The following OCA2 variants were observed in gnomAD, a reference collection of about 807,000 sequenced individuals.
OCA2 encodes the protein P protein.
OCA2 carries 77 observed loss-of-function variants against 100.2 expected under a neutral mutation model. That is an observed-to-expected ratio of 0.77 (90% confidence interval 0.64 to 0.93). The LOEUF is 0.93. OCA2 is among the 40% of genes least tolerant of loss of function. The probability of loss-of-function intolerance (pLI) is 0.00; values close to 1 mark genes in which losing one functional copy is unlikely to be tolerated. For synonymous variants in OCA2, 432 were observed against 439.2 expected, an observed-to-expected ratio of 0.98 and a Z score of 0.21; for missense variants, 1,062 against 1,089.1, an observed-to-expected ratio of 0.98 and a Z score of 0.35.
At chr15:27,817,196 C>T (rs1352983050) in intron 23 of OCA2, among the ~76,000 whole-genome samples, 1 of 152,102 alleles carries the variant, frequency 6.6e-6, no homozygotes, top group African/African-American at 2.4e-5. Context: ...GAATGGAAGC[C>T]TCATGAAGGA....
At chr15:27,883,141 C>T (rs998089255) in intron 19 of OCA2, among the ~76,000 whole-genome samples, 5 of 152,264 alleles carry the variant, frequency 3.3e-5, no homozygotes, top group Admixed American at 2.0e-4. Flanking sequence ...TCTGACTCCT[C>T]TGGGCCAAAA....
intron 21 of OCA2, among the ~76,000 whole-genome samples, chr15:27,870,099 G>A (rs1035335064): frequency 5.3e-5 from 8 of 152,210 alleles, no homozygotes; most frequent in Non-Finnish European, 1.0e-4. Context: ...TAAGGTCGGC[G>A]CTGCATGAGC....
chr15:27,913,892 AAAGCAAGCAAGCAAGCAAGC>A lies in OCA2; in HGVS notation c.2079+12215_2079+12234del, dbSNP rs201142354. Among the ~76,000 whole-genome samples, 3 of 37,424 alleles carry A rather than the reference AAAGCAAGCAAGCAAGCAAGC, an allele frequency of 8.0e-5. No homozygotes were observed. In the Admixed American group the frequency reaches 9.1e-4, roughly 11 times the overall value. The allele number at this position is 37,424 out of a possible 152,430, so 24.6% of individuals were successfully genotyped here. ...GAAAGAAAGAAAGAAAGAAAGAAAG[AAAGCAAGCAAGCAAGCAAGC>A]AAGCAAGCAAGCAAGCAAGAAAGAA... is the stretch of plus-strand genomic sequence containing the variant. On this transcript the variant is annotated intron_variant, in intron 19 of 23. Transcript: ENST00000354638.
intron 18 of OCA2, among the ~76,000 whole-genome samples, chr15:27,948,203 CA>C (rs1279392031): frequency 2.6e-5 from 4 of 152,186 alleles, no homozygotes; most frequent in African/African-American, 9.6e-5. Flanking sequence ...TGCGGAACTC[CA>C]GGGGGATTCT....
At chr15:27,859,181 A>G (rs924789274) in intron 21 of OCA2, among the ~76,000 whole-genome samples, 3 of 152,110 alleles carry the variant, frequency 2.0e-5, no homozygotes, top group Non-Finnish European at 2.9e-5. Flanking sequence ...AGATTAGAAG[A>G]GAGATAAATA....
At chr15:27,984,225 G>T (rs2140971491) in intron 13 of OCA2, among the ~76,000 whole-genome samples, 1 of 152,088 alleles carries the variant, frequency 6.6e-6, no homozygotes, top group East Asian at 1.9e-4. Flanking sequence ...CTCCACCATG[G>T]CCTCACACTA....
intron 2 of OCA2, among the ~76,000 whole-genome samples, chr15:28,059,867 T>C (rs538321417): frequency 1.3e-5 from 2 of 152,320 alleles, no homozygotes; most frequent in East Asian, 3.9e-4. Context: ...GTGAAGTCAA[T>C]TAGTACTTAC....
At chr15:28,033,614 AT>A (rs1402244883) in intron 2 of OCA2, among the ~76,000 whole-genome samples, 1 of 152,168 alleles carries the variant, frequency 6.6e-6, no homozygotes, top group East Asian at 1.9e-4. Flanking sequence ...AACACAGGTA[AT>A]TGAGGACTCT....
At chr15:27,727,491 G>T in the OCA2 span, among the ~76,000 whole-genome samples, 1 of 152,270 alleles carries the variant, frequency 6.6e-6, no homozygotes, top group East Asian at 1.9e-4. Context: ...AAGGTGCAGG[G>T]GCAGGAGTGT....
rs1339903572 is a variant in OCA2 at position 27,800,193 on chromosome 15, C to T, written c.2433-44721G>A. 2.6e-5 allele frequency among the ~76,000 whole-genome samples: 4 copies of T among 152,004 alleles called. No individual in the cohort carries two copies. In the East Asian group the frequency reaches 5.8e-4, roughly 22 times the overall value. On this transcript the variant is annotated intron_variant, in intron 23 of 23. Coordinates refer to ENST00000354638, the MANE Select transcript of OCA2 (RefSeq NM_000275.3). ...AAAACACAACTTATCAGAATTTGTACGATTGTACTAAAGCGTTGCCGAGGT... is the reference window on the plus strand; with the variant it reads ...AAAACACAACTTATCAGAATTTGTATGATTGTACTAAAGCGTTGCCGAGGT...
At chr15:27,899,836 A>G (rs1452979848) in intron 19 of OCA2, among the ~76,000 whole-genome samples, 2 of 152,204 alleles carry the variant, frequency 1.3e-5, no homozygotes, top group East Asian at 3.9e-4. Context: ...TCTCTGTCAC[A>G]GCCCACTGGG....
At chr15:27,862,433 C>T (rs1199218824) in intron 21 of OCA2, among the ~76,000 whole-genome samples, 1 of 152,070 alleles carries the variant, frequency 6.6e-6, no homozygotes, top group Non-Finnish European at 1.5e-5. Context: ...ATGCTGCCTG[C>T]CCAGCGCCAA....
At chr15:27,915,761 AGAGTAT>A (rs1827031192) in intron 19 of OCA2, among the ~76,000 whole-genome samples, 1 of 152,208 alleles carries the variant, frequency 6.6e-6, no homozygotes, top group Non-Finnish European at 1.5e-5. Context: ...TCTGCTGATT[AGAGTAT>A]AAGTCAGTTC....
chr15:27,823,206 T>C (rs997339886), intron 23 of OCA2, among the ~76,000 whole-genome samples: 5 of 152,182 alleles, frequency 3.3e-5, no homozygotes, highest in African/African-American at 4.8e-5. Flanking sequence ...TTCCCACTGG[T>C]TTTTCTGTCT....
At chr15:27,818,416 T>C (rs1196193933) in intron 23 of OCA2, among the ~76,000 whole-genome samples, 2 of 152,220 alleles carry the variant, frequency 1.3e-5, no homozygotes, top group South Asian at 2.1e-4. Context: ...ATAAATTACA[T>C]TAAATATCAT....
chr15:27,753,654 G>A (rs1173768425), downstream of OCA2, among the ~76,000 whole-genome samples: 18 of 151,782 alleles, frequency 1.2e-4, no homozygotes, highest in Admixed American at 9.8e-4. Context: ...GGAGAATGGC[G>A]TGAACCCGGG....
intron 9 of OCA2, among the ~76,000 whole-genome samples, chr15:28,009,674 C>T (rs960635853): frequency 3.3e-5 from 4 of 121,148 alleles, no homozygotes; most frequent in Admixed American, 1.8e-4. Context: ...GGCAACAGAG[C>T]GAGATTCTGT....
At chr15:27,990,513 G>A in intron 10 of OCA2, 63 bp downstream of exon 10, 1 of 1,506,786 alleles carries the variant, frequency 6.6e-7, no homozygotes, top group African/African-American at 1.4e-5. Flanking sequence ...CTGAATCCTG[G>A]AACATCTTTG....
chr15:27,989,524 C>T (rs1396360399), intron 11 of OCA2, 77 bp downstream of exon 11: 6 of 1,153,556 alleles, frequency 5.2e-6, no homozygotes, highest in African/African-American at 1.5e-5. Flanking sequence ...TAATGAAGGA[C>T]CCTCAGCGGT....
Sources: allele counts gnomAD v4.1 joint callset (sites outside exome capture counted in the v4.1 genomes callset), GRCh38; gene constraint gnomAD v4.1.1; transcripts MANE v1.5; gene names NCBI Gene and HGNC (gene_info 2026-07-23, HGNC 2026-07-21).